The following RFPL1 variants were observed in gnomAD, a reference collection of about 807,000 sequenced individuals.
The protein encoded by RFPL1 is ret finger protein like 1, also known as ret finger protein-like 1.
RFPL1 carries 6 observed loss-of-function variants against 9.6 expected under a neutral mutation model. That is an observed-to-expected ratio of 0.62 (90% CI 0.34 to 1.23). RFPL1 has a LOEUF of 1.23. Ranked by LOEUF, RFPL1 falls within the 50% of genes most tolerant of loss-of-function variation. The probability of loss-of-function intolerance (pLI) is 0.03; values close to 1 mark genes in which losing one functional copy is unlikely to be tolerated. For missense variants in RFPL1, 352 were observed against 398.4 expected (o/e 0.88, Z 0.99); for synonymous variants, 145 against 149.4 (o/e 0.97, Z 0.22).
At chr22:29,432,858 A>G in the RFPL1 span, 4 of 152,256 alleles carry the variant, frequency 2.6e-5, no homozygotes, top group African/African-American at 9.6e-5. Flanking sequence ...GTCTCTATGC[A>G]TGTAAAAGTG....
the RFPL1 span, among the ~76,000 whole-genome samples, chr22:29,431,752 C>G: frequency 6.6e-6 from 1 of 150,768 alleles, no homozygotes; most frequent in African/African-American, 2.4e-5. Context: ...GTGGTGCGAT[C>G]TCAGCTCTCT....
the RFPL1 span, among the ~76,000 whole-genome samples, chr22:29,417,018 A>G: frequency 1.2e-4 from 19 of 152,104 alleles, no homozygotes; most frequent in Non-Finnish European, 2.1e-4. Flanking sequence ...ACAGTCAAGG[A>G]CGTGTCAACA....
At chr22:29,438,940 C>T (rs1312612399) in exon 1 of RFPL1, 10 of 1,613,848 alleles carry the variant, frequency 6.2e-6, no homozygotes, top group Non-Finnish European at 8.5e-6. Flanking sequence ...CTAGAGAAAC[C>T]AATGTCCCTG....
chr22:29,389,212 C>T, the RFPL1 span, among the ~76,000 whole-genome samples: 11 of 151,946 alleles, frequency 7.2e-5, no homozygotes, highest in African/African-American at 2.7e-4. Context: ...CTAGTTTGGA[C>T]CCCTCCATTC....
At chr22:29,432,597 T>C in the RFPL1 span, among the ~76,000 whole-genome samples, 1,630 of 152,306 alleles carry the variant, frequency 0.011, 32 homozygotes, top group African/African-American at 0.038. Context: ...CGTTTCTCTA[T>C]AACTCGCTTG....
At chr22:29,389,939 C>T in the RFPL1 span, among the ~76,000 whole-genome samples, 1 of 151,936 alleles carries the variant, frequency 6.6e-6, no homozygotes, top group Non-Finnish European at 1.5e-5. Flanking sequence ...ATTGGGATTA[C>T]AAGCATGCAC....
chr22:29,435,762 C>A (rs549151669), upstream of RFPL1, among the ~76,000 whole-genome samples: 3 of 151,898 alleles, frequency 2.0e-5, no homozygotes, highest in Non-Finnish European at 2.9e-5. Context: ...ATTTTAGGAG[C>A]GGGAAATAGA....
the RFPL1 span, among the ~76,000 whole-genome samples, chr22:29,425,832 G>C: frequency 6.6e-6 from 1 of 151,348 alleles, no homozygotes; most frequent in Non-Finnish European, 1.5e-5. Flanking sequence ...GGTGAGGGTT[G>C]AGGTGATCTG....
At chr22:29,406,231 C>T in the RFPL1 span, among the ~76,000 whole-genome samples, 1 of 149,130 alleles carries the variant, frequency 6.7e-6, no homozygotes, top group Non-Finnish European at 1.5e-5. Context: ...CCACCCTCCC[C>T]TGCCCGGGAG....
the RFPL1 span, among the ~76,000 whole-genome samples, chr22:29,393,093 A>G: frequency 6.6e-6 from 1 of 152,212 alleles, no homozygotes; most frequent in South Asian, 2.1e-4. Context: ...CAGGGGATGC[A>G]GGCACCAAAT....
upstream of RFPL1, chr22:29,438,518 T>G (rs1308177854): frequency 1.6e-5 from 18 of 1,123,088 alleles, no homozygotes; most frequent in Admixed American, 3.4e-5. Flanking sequence ...TCAATCAATC[T>G]CTTGCTGGGG....
chr22:29,416,701 A>G, the RFPL1 span, among the ~76,000 whole-genome samples: 7 of 152,244 alleles, frequency 4.6e-5, no homozygotes. Context: ...CACAGCATGC[A>G]TGGAGCACAC....
upstream of RFPL1, among the ~76,000 whole-genome samples, chr22:29,436,158 G>T (rs1052815784): frequency 6.6e-6 from 1 of 152,084 alleles, no homozygotes; most frequent in Non-Finnish European, 1.5e-5. Context: ...AGGGGAGCTT[G>T]GGGAGAGGTC....
At chr22:29,438,046 C>G (rs1380791084), upstream of RFPL1, 13 of 226,420 alleles carry the variant, frequency 5.7e-5, no homozygotes, top group East Asian at 1.7e-4. Context: ...GCTAATTTTT[C>G]TATTATTTGT....
the RFPL1 span, among the ~76,000 whole-genome samples, chr22:29,416,343 T>A: frequency 7.1e-3 from 1,064 of 149,242 alleles, 25 homozygotes; most frequent in East Asian, 0.089. Context: ...CCTGCATCAC[T>A]GCTGCAGGTG....
chr22:29,420,564 C>T, the RFPL1 span, among the ~76,000 whole-genome samples: 1 of 145,978 alleles, frequency 6.9e-6, no homozygotes, highest in African/African-American at 2.5e-5. Flanking sequence ...ATCCTGACTT[C>T]GTGGTCTGCC....
At chr22:29,396,483 C>T in the RFPL1 span, among the ~76,000 whole-genome samples, 17 of 152,218 alleles carry the variant, frequency 1.1e-4, no homozygotes, top group East Asian at 3.1e-3. Context: ...TATAAATTAC[C>T]GAGGTATTCT....
At chr22:29,398,359 AT>A in the RFPL1 span, among the ~76,000 whole-genome samples, 49 of 152,288 alleles carry the variant, frequency 3.2e-4, no homozygotes, top group African/African-American at 1.0e-3. Context: ...TGGCGGTGCC[AT>A]TTGCCAAAAA....
the RFPL1 span, among the ~76,000 whole-genome samples, chr22:29,407,971 G>T: frequency 1.3e-5 from 2 of 152,260 alleles, no homozygotes; most frequent in Non-Finnish European, 2.9e-5. Flanking sequence ...TTGAAGCTAA[G>T]ATTATGAATT....
Sources: allele counts gnomAD v4.1 joint callset (sites outside exome capture counted in the v4.1 genomes callset), GRCh38; gene constraint gnomAD v4.1.1; transcripts MANE v1.5; gene names NCBI Gene and HGNC (gene_info 2026-07-23, HGNC 2026-07-21).